Variants in CCDC3 observed in about 807,000 individuals in gnomAD.
CCDC3 encodes coiled-coil domain-containing protein 3.
Under a neutral mutation model 21.4 loss-of-function variants are expected in CCDC3, and 24 were observed. The ratio of observed to expected loss-of-function variants is 1.12; its 90% CI spans 0.81 to 1.58. CCDC3 has a LOEUF of 1.58. CCDC3 is among the 40% of genes most tolerant of loss of function. The pLI is 0.00. For synonymous variants in CCDC3, 186 were observed against 166.0 expected (o/e 1.12, Z -0.93); for missense variants, 425 against 360.9 (o/e 1.18, Z -1.44).
chr10:13,017,184 G>A (rs933700446), intron 5 of CCDC3, among the ~76,000 whole-genome samples: 9 of 151,952 alleles, frequency 5.9e-5, no homozygotes, highest in African/African-American at 1.9e-4. Flanking sequence ...ACAGGGAGAC[G>A]AGCTGATTTT....
chr10:12,927,286 A>G (rs1834558319), intron 2 of CCDC3, among the ~76,000 whole-genome samples: 1 of 152,208 alleles, frequency 6.6e-6, no homozygotes, highest in African/African-American at 2.4e-5. Flanking sequence ...TTTTAAGGAC[A>G]TGTCAGATAC....
intron 2 of CCDC3, among the ~76,000 whole-genome samples, chr10:12,930,605 C>G (rs146776322): frequency 1.4e-4 from 22 of 152,326 alleles, no homozygotes; most frequent in African/African-American, 5.3e-4. Flanking sequence ...ATACCACATT[C>G]TAGAGCACTG....
chr10:13,087,593 A>C (rs938348318), intron 3 of CCDC3, among the ~76,000 whole-genome samples: 6 of 152,008 alleles, frequency 3.9e-5, no homozygotes, highest in Non-Finnish European at 8.8e-5. Flanking sequence ...CGAAGCACAG[A>C]AGGGCTATGG....
chr10:12,916,287 C>G (rs1834354640), intron 2 of CCDC3, among the ~76,000 whole-genome samples: 3 of 152,192 alleles, frequency 2.0e-5, no homozygotes, highest in African/African-American at 7.2e-5. Context: ...CAAAAATTAG[C>G]TGGGCATGGT....
intron 5 of CCDC3, among the ~76,000 whole-genome samples, chr10:13,032,244 C>CAT (rs977461181): frequency 6.6e-6 from 1 of 151,746 alleles, no homozygotes; most frequent in Non-Finnish European, 1.5e-5. Flanking sequence ...ACAAAAACCA[C>CAT]GATTATCTCA....
chr10:13,068,869 C>G (rs566634545), intron 4 of CCDC3, among the ~76,000 whole-genome samples: 13 of 152,242 alleles, frequency 8.5e-5, no homozygotes, highest in African/African-American at 3.1e-4. Flanking sequence ...GATAAGAAGG[C>G]GTAGAAATGT....
intron 4 of CCDC3, among the ~76,000 whole-genome samples, chr10:13,052,671 G>A (rs1836622637): frequency 6.6e-6 from 1 of 152,046 alleles, no homozygotes; most frequent in Admixed American, 6.6e-5. Flanking sequence ...TGGGCATGGT[G>A]GCTCATGTCT....
chr10:12,923,032 T>C (rs1275029965), intron 2 of CCDC3, among the ~76,000 whole-genome samples: 1 of 152,164 alleles, frequency 6.6e-6, no homozygotes, highest in Non-Finnish European at 1.5e-5. Flanking sequence ...ACATCACTTA[T>C]TTTTAAAAGT....
At chr10:13,097,960 G>A (rs1832650542) in intron 3 of CCDC3, among the ~76,000 whole-genome samples, 1 of 152,182 alleles carries the variant, frequency 6.6e-6, no homozygotes, top group Non-Finnish European at 1.5e-5. Context: ...TCAGAAAAGA[G>A]GTTTGGTCCT....
At chr10:13,075,072 C>A (rs1338030189) in intron 3 of CCDC3, among the ~76,000 whole-genome samples, 1 of 152,176 alleles carries the variant, frequency 6.6e-6, no homozygotes, top group African/African-American at 2.4e-5. Flanking sequence ...TAGGTGCCCA[C>A]TGCAAACCTG....
chr10:12,982,645 T>G (rs993538540), intron 2 of CCDC3, among the ~76,000 whole-genome samples: 2 of 150,758 alleles, frequency 1.3e-5, no homozygotes, highest in Admixed American at 6.6e-5. Flanking sequence ...AATACAAAAA[T>G]TAGCTGGGTG....
Position 12,972,822 on chromosome 10 carries a change from T to TACATA in CCDC3, c.549+25515_549+25516insTATGT, listed in dbSNP as rs1554757493. 2.7e-4 allele frequency among the ~76,000 whole-genome samples: 40 copies of TACATA among 150,518 alleles called. 2 individuals are homozygous for TACATA. The East Asian group carries it at 5.9e-3, about 22-fold the overall frequency. On this transcript the variant is annotated intron_variant, in intron 2 of 2. Transcript: ENST00000378825. ...AAAGAATGAGACTCTGTCTCAAAAATAAATAAAATAAAATAAAATAAGGAA... is the reference window on the plus strand; with the variant it reads ...AAAGAATGAGACTCTGTCTCAAAAATACATAAAATAAAATAAAATAAAATAAGGAA...
intron 2 of CCDC3, among the ~76,000 whole-genome samples, chr10:12,921,826 C>G (rs765806779): frequency 1.3e-5 from 2 of 152,142 alleles, no homozygotes; most frequent in Non-Finnish European, 2.9e-5. Flanking sequence ...ACTGTAGCCT[C>G]GAAACTTCTG....
intron 4 of CCDC3, among the ~76,000 whole-genome samples, chr10:13,059,022 A>T (rs1233304526): frequency 6.6e-6 from 1 of 152,238 alleles, no homozygotes; most frequent in Non-Finnish European, 1.5e-5. Context: ...GGAAATACTG[A>T]TGGAAGGACA....
In CCDC3 at chr10:12,966,572, T is replaced by C. The variant is rs73575849; in HGVS notation, c.549+31766A>G. 2.3e-3 allele frequency among the ~76,000 whole-genome samples: 343 copies of C among 152,226 alleles called. 3 individuals are homozygous for C. Among genetic ancestry groups the C allele is most frequent in the African/African-American group, 7.9e-3 (330 of 41,534 alleles). ...AGTTCCCAGTCCAGTCTGCTTCTTA[T>C]CGAAGCAGAAAATTTTAGAGCATCA... On this transcript the variant is annotated intron_variant, in intron 2 of 2. Coordinates refer to ENST00000378825, the MANE Select transcript of CCDC3 (RefSeq NM_031455.4).
At chr10:13,089,381 T>C (rs530874334) in intron 3 of CCDC3, among the ~76,000 whole-genome samples, 12 of 152,298 alleles carry the variant, frequency 7.9e-5, no homozygotes, top group Middle Eastern at 3.4e-3. Flanking sequence ...CTTAGTACTA[T>C]TGTTATATTC....
chr10:12,987,579 C>T (rs1835615451), intron 2 of CCDC3, among the ~76,000 whole-genome samples: 1 of 152,142 alleles, frequency 6.6e-6, no homozygotes, highest in Non-Finnish European at 1.5e-5. Context: ...ATTTTAAAAC[C>T]TATCAAGGAC....
intron 2 of CCDC3, among the ~76,000 whole-genome samples, chr10:12,921,376 C>T (rs548577514): frequency 6.6e-6 from 1 of 152,268 alleles, no homozygotes. Flanking sequence ...TGGGGAAGGT[C>T]AGCCCGGGGC....
intron 5 of CCDC3, among the ~76,000 whole-genome samples, chr10:13,046,130 G>C (rs1456910208): frequency 1.3e-5 from 2 of 152,060 alleles, no homozygotes; most frequent in Admixed American, 1.3e-4. Context: ...CATAAGCTGG[G>C]CATGGTTGCT....
Sources: allele counts gnomAD v4.1 joint callset (sites outside exome capture counted in the v4.1 genomes callset), GRCh38; gene constraint gnomAD v4.1.1; transcripts MANE v1.5; gene names NCBI Gene and HGNC (gene_info 2026-07-23, HGNC 2026-07-21).